The following ADIPOR2 variants were observed in gnomAD, a reference collection of about 807,000 sequenced individuals.
ADIPOR2 encodes the protein adiponectin receptor 2.
A neutral mutation model predicts 40.9 loss-of-function variants in ADIPOR2; 18 were observed. The observed-to-expected ratio is 0.44, with a 90% CI of 0.30 to 0.65. The LOEUF (loss-of-function observed/expected upper bound fraction) is 0.65. ADIPOR2 is among the 30% of genes least tolerant of loss of function. The pLI, the probability that ADIPOR2 is intolerant of heterozygous loss-of-function variation, is 0.09. For missense variants in ADIPOR2, 283 were observed against 479.2 expected (o/e 0.59, Z 3.82); for synonymous variants, 165 against 166.4 (o/e 0.99, Z 0.06).
intron 1 of ADIPOR2, among the ~76,000 whole-genome samples, chr12:1,749,975 A>G (rs1052557947): frequency 3.3e-5 from 5 of 151,606 alleles, no homozygotes; most frequent in Non-Finnish European, 5.9e-5. Flanking sequence ...TACCTAGACT[A>G]CACAGGTGCA....
chr12:1,767,627 C>G (rs1024310675), intron 2 of ADIPOR2, among the ~76,000 whole-genome samples: 7 of 152,080 alleles, frequency 4.6e-5, no homozygotes, highest in African/African-American at 1.4e-4. Context: ...GTAAAAAGAC[C>G]ATAAAAATCA....
At chr12:1,778,770 A>C (rs987747123) in intron 4 of ADIPOR2, among the ~76,000 whole-genome samples, 2 of 152,252 alleles carry the variant, frequency 1.3e-5, no homozygotes, top group African/African-American at 2.4e-5. Context: ...AGAGAAGAGA[A>C]TATTTACAAA....
chr12:1,773,807 A>G (rs1292511379), intron 3 of ADIPOR2, among the ~76,000 whole-genome samples: 1 of 152,184 alleles, frequency 6.6e-6, no homozygotes, highest in Non-Finnish European at 1.5e-5. Flanking sequence ...ATGGTCTTAG[A>G]TCCAGGAGAC....
chr12:1,699,335 A>G (rs187483822), intron 1 of ADIPOR2, among the ~76,000 whole-genome samples: 4 of 152,312 alleles, frequency 2.6e-5, no homozygotes, highest in Non-Finnish European at 4.4e-5. Flanking sequence ...ACTGCAGTGC[A>G]TGCTGGGTGC....
At chr12:1,717,390 C>T (rs12826079) in intron 1 of ADIPOR2, among the ~76,000 whole-genome samples, 7,793 of 152,198 alleles carry the variant, frequency 0.051, 272 homozygotes, top group Middle Eastern at 0.099. Flanking sequence ...TTGCTTAGAA[C>T]ATAACGTTTA....
chr12:1,695,573 G>A (rs1203163533), intron 1 of ADIPOR2, among the ~76,000 whole-genome samples: 1 of 149,070 alleles, frequency 6.7e-6, no homozygotes, highest in East Asian at 2.0e-4. Context: ...TGAGGCAGGA[G>A]AATCGCTTGA....
Position 1,754,333 on chromosome 12 carries a change from T to C in ADIPOR2, c.-11T>C. ...AGACAGATCTATTTGTAAGAAAGGC[T>C]TGGGTATCCCATGAACGAGCCAACA... On this transcript the variant is annotated 5_prime_UTR_variant, in exon 2 of 8. Coordinates refer to ENST00000357103, the MANE Select transcript of ADIPOR2 (RefSeq NM_024551.3). The C allele has an allele frequency of 6.3e-7, 1 of 1,584,272 alleles. No homozygotes were observed. The highest frequency in any genetic ancestry group is 2.3e-5 in the East Asian group (1 of 43,660).
chr12:1,780,843 A>G, intron 5 of ADIPOR2, 46 bp from the exon 6 acceptor site: 1 of 1,504,832 alleles, frequency 6.6e-7, no homozygotes, highest in Non-Finnish European at 8.9e-7. Context: ...AGTGGCCAGT[A>G]GTTTTTAAAT....
At chr12:1,766,494 G>C (rs1054277096) in intron 2 of ADIPOR2, among the ~76,000 whole-genome samples, 1 of 152,150 alleles carries the variant, frequency 6.6e-6, no homozygotes, top group Non-Finnish European at 1.5e-5. Flanking sequence ...ATTTATATCA[G>C]TTTCAAATTT....
intron 4 of ADIPOR2, chr12:1,780,148 A>G: frequency 8.4e-6 from 2 of 237,344 alleles, no homozygotes; most frequent in Non-Finnish European, 1.6e-5. Flanking sequence ...ATCTAGAGGT[A>G]GAAGTGGCTT....
intron 1 of ADIPOR2, among the ~76,000 whole-genome samples, chr12:1,719,748 C>T (rs372661375): frequency 8.6e-5 from 13 of 151,350 alleles, no homozygotes; most frequent in African/African-American, 3.2e-4. Flanking sequence ...AGTCTCAGCT[C>T]ACTGCAACCT....
chr12:1,748,406 G>A (rs898138630), intron 1 of ADIPOR2, among the ~76,000 whole-genome samples: 51 of 152,048 alleles, frequency 3.4e-4, no homozygotes, highest in South Asian at 1.0e-3. Flanking sequence ...CCGCCACCAC[G>A]CCTGGCTAAT....
intron 1 of ADIPOR2, among the ~76,000 whole-genome samples, chr12:1,748,358 C>A (rs372886074): frequency 3.9e-5 from 6 of 152,218 alleles, no homozygotes; most frequent in South Asian, 2.1e-4. Context: ...ACGCCATTCT[C>A]CTGCCTCAGC....
At chr12:1,751,900 A>G (rs942582318) in intron 1 of ADIPOR2, among the ~76,000 whole-genome samples, 2 of 149,306 alleles carry the variant, frequency 1.3e-5, no homozygotes, top group African/African-American at 5.0e-5. Context: ...GTGTGCTGAT[A>G]TTTTTCTTTT....
intron 2 of ADIPOR2, among the ~76,000 whole-genome samples, chr12:1,766,592 C>G (rs1379458059): frequency 6.6e-6 from 1 of 152,152 alleles, no homozygotes; most frequent in African/African-American, 2.4e-5. Flanking sequence ...ACTATATTTG[C>G]TAAAGTATAT....
At chr12:1,743,955 G>T (rs1197484214) in intron 1 of ADIPOR2, among the ~76,000 whole-genome samples, 3 of 152,156 alleles carry the variant, frequency 2.0e-5, no homozygotes, top group African/African-American at 4.8e-5. Flanking sequence ...GTGTATGCCT[G>T]TGCCACCCAA....
At chr12:1,736,958 A>G (rs1428746056) in intron 1 of ADIPOR2, among the ~76,000 whole-genome samples, 4 of 152,218 alleles carry the variant, frequency 2.6e-5, no homozygotes, top group Middle Eastern at 3.2e-3. Context: ...TGTCTACACA[A>G]TGGGCCTGTT....
chr12:1,751,414 T>C (rs2094768850), intron 1 of ADIPOR2, among the ~76,000 whole-genome samples: 1 of 152,216 alleles, frequency 6.6e-6, no homozygotes, highest in Non-Finnish European at 1.5e-5. Flanking sequence ...AGGAGGATCC[T>C]TAAAAATTAT....
At chr12:1,734,326 C>T (rs2094726213) in intron 1 of ADIPOR2, among the ~76,000 whole-genome samples, 1 of 152,124 alleles carries the variant, frequency 6.6e-6, no homozygotes, top group Admixed American at 6.6e-5. Flanking sequence ...GATGGTATCT[C>T]ATTGTGGTTT....
Sources: allele counts gnomAD v4.1 joint callset (sites outside exome capture counted in the v4.1 genomes callset), GRCh38; gene constraint gnomAD v4.1.1; transcripts MANE v1.5; gene names NCBI Gene and HGNC (gene_info 2026-07-23, HGNC 2026-07-21).